Variants in CNEP1R1 observed in about 807,000 individuals in gnomAD.
The protein encoded by CNEP1R1 is nuclear envelope phosphatase-regulatory subunit 1.
CNEP1R1 carries 10 observed loss-of-function variants against 22.7 expected under a neutral mutation model. That is an observed-to-expected ratio of 0.44 (90% CI 0.27 to 0.75). The LOEUF (loss-of-function observed/expected upper bound fraction) is 0.75. Ranked by LOEUF, CNEP1R1 falls within the 30% of genes least tolerant of loss-of-function variation. CNEP1R1 has a pLI of 0.17. For missense variants in CNEP1R1, 73 were observed against 151.5 expected (o/e 0.48, Z 2.72); for synonymous variants, 53 against 50.1 (o/e 1.06, Z -0.25).
intron 2 of CNEP1R1, among the ~76,000 whole-genome samples, chr16:50,027,162 G>C (rs2036191891): frequency 6.6e-6 from 1 of 151,978 alleles, no homozygotes. Flanking sequence ...CCAGCACTTT[G>C]GGAGGCCGAG....
At chr16:50,034,940 G>T (rs1443822955) in intron 5 of CNEP1R1, among the ~76,000 whole-genome samples, 1 of 151,944 alleles carries the variant, frequency 6.6e-6, no homozygotes, top group African/African-American at 2.4e-5. Flanking sequence ...GTGTAATAAG[G>T]GTGTCTCACA....
Position 50,034,118 on chromosome 16 carries a change from C to T in CNEP1R1, c.298C>T (p.Arg100Ter), listed in dbSNP as rs1416070579. The change falls in exon 5 of 6, where the codon CGA becomes TGA. Residue 100 changes from arginine to a stop codon, truncating the protein, a stop_gained. Coordinates refer to ENST00000427478, the MANE Select transcript of CNEP1R1 (RefSeq NM_001281789.2). LOFTEE classifies it high-confidence loss of function. The stretch of plus-strand genomic sequence containing the variant: ...TGTATTCAGTATAGCTGCTCGATGT[C>T]GAACGGTATTAGCAGAATACAATAT... ...VAPSIIAARC[R>*]TVLAEYNMSC... 6.3e-7 allele frequency: 1 copy of T among 1,594,228 alleles called. No individual in the cohort carries two copies. The highest frequency in any genetic ancestry group is 8.6e-7 in the Non-Finnish European group (1 of 1,169,334).
intron 2 of CNEP1R1, 64 bp from the exon 3 acceptor site, chr16:50,029,661 G>A (rs763120873): frequency 1.5e-5 from 14 of 929,166 alleles, no homozygotes; most frequent in South Asian, 8.4e-5. Context: ...GTAGGAACTG[G>A]TGGTGATAGT....
In CNEP1R1 at chr16:50,035,503, A is replaced by G; in HGVS notation, c.*45A>G. ...TGGGACTTAAAATAGCCTTTCTTCG[A>G]ATAAGTGATACAGCAAAAAGCCATA... On this transcript the variant is annotated 3_prime_UTR_variant, in exon 6 of 6. Coordinates refer to ENST00000427478, the MANE Select transcript of CNEP1R1 (RefSeq NM_001281789.2). 7.2e-7 allele frequency: 1 copy of G among 1,383,704 alleles called. No individual in the cohort carries two copies. Among genetic ancestry groups the G allele is most frequent in the Non-Finnish European group, 1.0e-6 (1 of 990,934 alleles). The allele number at this position is 1,383,704 out of a possible 1,614,324, so 85.7% of individuals were successfully genotyped here. A position where few individuals can be genotyped will look rare whatever the true frequency, so the allele number is the denominator to read the frequency against.
intron 5 of CNEP1R1, chr16:50,034,452 GGTT>G (rs1480233454): frequency 2.7e-6 from 1 of 364,336 alleles, no homozygotes; most frequent in Non-Finnish European, 5.1e-6. Context: ...GAAGTACAGT[GGTT>G]GTTTGTTATT....
chr16:50,026,778 T>G, intron 2 of CNEP1R1: 1 of 256,656 alleles, frequency 3.9e-6, no homozygotes, highest in Non-Finnish European at 7.7e-6. Flanking sequence ...AGTTCAAGAC[T>G]AGCGTGGCCA....
chr16:50,026,382 A>G lies in CNEP1R1; in HGVS notation c.26-14A>G, dbSNP rs764542639. 49 of 1,590,174 alleles carry G rather than the reference A, an allele frequency of 3.1e-5. No homozygotes were observed. The highest frequency in any genetic ancestry group is 5.2e-5 in the Admixed American group (3 of 57,440). ...AAGAGTGGCTAATTAGAAAATTGAC[A>G]TCTTTATACCTAGATCTCAAGGCTT... On this transcript the variant is annotated splice_polypyrimidine_tract_variant and intron_variant, in intron 1 of 5. Transcript: ENST00000427478.
At chr16:50,033,731 G>A (rs947049312) in intron 4 of CNEP1R1, among the ~76,000 whole-genome samples, 2 of 151,526 alleles carry the variant, frequency 1.3e-5, no homozygotes, top group African/African-American at 4.8e-5. Flanking sequence ...AGGTGTGGTG[G>A]TCTGTGCCTG....
intron 3 of CNEP1R1, among the ~76,000 whole-genome samples, chr16:50,031,549 CAGCT>C (rs1283073720): frequency 4.6e-5 from 7 of 152,132 alleles, no homozygotes; most frequent in Non-Finnish European, 1.0e-4. Context: ...AAGCTGATCT[CAGCT>C]AGTTGAGATC....
At chr16:50,032,498 G>A (rs1241229765) in intron 3 of CNEP1R1, among the ~76,000 whole-genome samples, 3 of 152,146 alleles carry the variant, frequency 2.0e-5, no homozygotes, top group African/African-American at 7.2e-5. Context: ...TTAGATCTCA[G>A]TAGCTTCAAA....
intron 3 of CNEP1R1, among the ~76,000 whole-genome samples, chr16:50,030,625 C>T (rs1293570870): frequency 1.3e-5 from 2 of 152,032 alleles, no homozygotes; most frequent in African/African-American, 2.4e-5. Flanking sequence ...GAGGTCAAAA[C>T]CAGAAAGGAA....
At chr16:50,032,117 T>C (rs764737247) in intron 3 of CNEP1R1, among the ~76,000 whole-genome samples, 5 of 152,228 alleles carry the variant, frequency 3.3e-5, no homozygotes, top group Non-Finnish European at 7.3e-5. Context: ...TGCTGAGCCA[T>C]CTACCTGGTG....
chr16:50,028,896 C>T (rs1468172970), intron 2 of CNEP1R1, among the ~76,000 whole-genome samples: 3 of 151,916 alleles, frequency 2.0e-5, no homozygotes, highest in Admixed American at 1.3e-4. Flanking sequence ...TTTACGTCTT[C>T]TAAAAGTACA....
chr16:50,033,987 G>A (rs1327416632), intron 4 of CNEP1R1, 115 bp from the exon 5 acceptor site: 9 of 711,092 alleles, frequency 1.3e-5, no homozygotes, highest in Non-Finnish European at 2.2e-5. Context: ...TCCTGACCTT[G>A]TGATCCGACC....
Position 50,035,419 on chromosome 16 carries a change from A to G in CNEP1R1, c.339A>G (p.Thr113=). The G allele has an allele frequency of 6.4e-7, 1 of 1,567,522 alleles. No homozygotes were observed. Among genetic ancestry groups the G allele is most frequent in the Non-Finnish European group, 8.7e-7 (1 of 1,149,620 alleles). ...LAEYNMSCDD[T]GKLILKPRPH... ...ATTCTGTCTTTTCATTTTTGCAGAC[A>G]GGAAAACTAATTTTGAAACCTAGGC... The change falls in exon 6 of 6, where the codon ACA becomes ACG. Residue 113 remains threonine (T), a splice_region_variant and synonymous_variant. Transcript: ENST00000427478.
rs1223217803 is a variant in CNEP1R1, at chr16:50,025,266, A to G, written c.-50A>G. 4 of 1,386,456 alleles carry G rather than the reference A, an allele frequency of 2.9e-6. No homozygotes were observed. Among genetic ancestry groups the G allele is most frequent in the Non-Finnish European group, 3.7e-6 (4 of 1,075,790 alleles). 85.9% of individuals were successfully genotyped at this position (1,386,456 alleles called of 1,614,324 possible). On this transcript the variant is annotated 5_prime_UTR_variant, in exon 1 of 6. Transcript: ENST00000427478. The stretch of plus-strand genomic sequence containing the variant: ...GCTGCGGGCCGGGCGGGGGCCGCGG[A>G]AGCTGCGATGCGGACAGGGCAGCGG...
At chr16:50,035,389 A>G in intron 5 of CNEP1R1, 28 bp from the exon 6 acceptor site, 3 of 1,410,370 alleles carry the variant, frequency 2.1e-6, no homozygotes, top group Non-Finnish European at 3.0e-6. Context: ...CTGTGTATTG[A>G]AAAAATTCTG....
chr16:50,025,455 T>C (rs2036171704), intron 1 of CNEP1R1, 115 bp downstream of exon 1: 1 of 1,242,066 alleles, frequency 8.1e-7, no homozygotes. Context: ...AGGATGGAGC[T>C]AGGGGCCCGG....
chr16:50,026,039 G>A, intron 1 of CNEP1R1: 1 of 438,334 alleles, frequency 2.3e-6, no homozygotes, highest in East Asian at 3.5e-5. Context: ...TTGGTTCCCA[G>A]AGAGCTAAAA....
Sources: gnomAD v4.1 joint callset for allele counts (sites outside exome capture counted in the v4.1 genomes callset) on GRCh38, gnomAD v4.1.1 for gene constraint, MANE v1.5 for transcripts, NCBI Gene and HGNC (gene_info 2026-07-23, HGNC 2026-07-21) for gene names.